MCOLN2: variants seen among roughly 807,000 people sequenced by gnomAD.
The protein encoded by MCOLN2 is mucolipin-2.
MCOLN2 carries 57 observed loss-of-function variants against 67.5 expected under a neutral mutation model. The observed-to-expected ratio is 0.84, with a 90% CI of 0.68 to 1.05. MCOLN2 has a LOEUF of 1.05. Ranked by LOEUF, MCOLN2 falls within the 50% of genes least tolerant of loss-of-function variation. The probability of loss-of-function intolerance (pLI) is 0.00; values close to 1 mark genes in which losing one functional copy is unlikely to be tolerated. For missense variants in MCOLN2, 620 were observed against 678.8 expected, an observed-to-expected ratio of 0.91 and a Z score of 0.96; for synonymous variants, 246 against 233.3, an observed-to-expected ratio of 1.05 and a Z score of -0.50.
At chr1:84,935,426 A>G (rs574275117) in intron 11 of MCOLN2, among the ~76,000 whole-genome samples, 4 of 152,184 alleles carry the variant, frequency 2.6e-5, no homozygotes, top group Non-Finnish European at 5.9e-5. Flanking sequence ...AGTGAAAGAC[A>G]TAAGTCTAGA....
At chr1:84,931,012 C>T (rs79284571) in intron 12 of MCOLN2, among the ~76,000 whole-genome samples, 4,493 of 152,114 alleles carry the variant, frequency 0.03, 242 homozygotes, top group African/African-American at 0.1. Context: ...GTCAGGGTGC[C>T]GGTCACCTCT....
chr1:84,956,150 T>C (rs896434261), intron 4 of MCOLN2, among the ~76,000 whole-genome samples: 2 of 131,748 alleles, frequency 1.5e-5, no homozygotes, highest in East Asian at 2.3e-4. Context: ...CACCCCTTCA[T>C]AGGGAAAAAA....
chr1:84,932,957 C>G (rs1364149352), intron 11 of MCOLN2, among the ~76,000 whole-genome samples: 1 of 152,156 alleles, frequency 6.6e-6, no homozygotes, highest in East Asian at 1.9e-4. Flanking sequence ...AAATCTAAAC[C>G]AAGAAGGTTG....
intron 3 of MCOLN2, 67 bp from the exon 4 acceptor site, chr1:84,956,651 T>C (rs1648810577): frequency 2.3e-6 from 3 of 1,319,636 alleles, no homozygotes; most frequent in Admixed American, 5.2e-5. Context: ...GGTTATAGCA[T>C]ATAGAATGTA....
At chr1:84,939,779 G>T in intron 8 of MCOLN2, 77 bp from the exon 9 acceptor site, 1 of 1,471,438 alleles carries the variant, frequency 6.8e-7, no homozygotes, top group Non-Finnish European at 9.4e-7. Context: ...GCAAAACAGT[G>T]CTCTCACCTG....
intron 1 of MCOLN2, among the ~76,000 whole-genome samples, chr1:84,989,099 A>T (rs1650757965): frequency 6.6e-6 from 1 of 152,096 alleles, no homozygotes; most frequent in Non-Finnish European, 1.5e-5. Context: ...CCTACAATGG[A>T]CTTCATGAAG....
chr1:84,959,852 G>T (rs1394911643), intron 2 of MCOLN2, among the ~76,000 whole-genome samples: 2 of 152,098 alleles, frequency 1.3e-5, no homozygotes, highest in Admixed American at 6.5e-5. Flanking sequence ...GGTTCAATAT[G>T]ATACATCTGA....
In MCOLN2 at chr1:84,965,598, G is replaced by C; in HGVS notation, c.188C>G (p.Pro63Arg). 3.1e-6 allele frequency: 5 copies of C among 1,614,036 alleles called. No homozygotes were observed. The highest frequency in any genetic ancestry group is 4.2e-6 in the Non-Finnish European group (5 of 1,179,960). The change falls in exon 2 of 14, where the codon CCG (proline) becomes CGG (arginine). Residue 63 changes from proline to arginine, a missense_variant. Pro to Arg is a moderately radical substitution (Grantham distance 103, BLOSUM62 -2). Transcript: ENST00000370608. The stretch of plus-strand genomic sequence containing the variant: ...CAAAATCTGCAAACCCAGTTTCCAC[G>C]GAATCTGGCGTCTGGCTCGGTATTT... ...CEKYRARRQI[P>R]WKLGLQILKI...
intron 1 of MCOLN2, among the ~76,000 whole-genome samples, chr1:84,986,286 A>C (rs1004842628): frequency 4.1e-4 from 62 of 152,218 alleles, no homozygotes; most frequent in African/African-American, 1.5e-3. Context: ...CACGCCTATA[A>C]TCCCATCATT....
At chr1:84,944,549 GAAAGA>G (rs1250106884) in intron 7 of MCOLN2, among the ~76,000 whole-genome samples, 1 of 151,536 alleles carries the variant, frequency 6.6e-6, no homozygotes, top group African/African-American at 2.4e-5. Context: ...AAGAAAGAAA[GAAAGA>G]AAAAAAACAT....
At chr1:84,964,026 T>C (rs754170775) in intron 2 of MCOLN2, among the ~76,000 whole-genome samples, 6 of 152,240 alleles carry the variant, frequency 3.9e-5, no homozygotes, top group South Asian at 4.1e-4. Flanking sequence ...TTATTTCTTC[T>C]CCTTCCAAGT....
intron 1 of MCOLN2, among the ~76,000 whole-genome samples, chr1:84,992,478 A>T (rs1650941124): frequency 6.6e-6 from 1 of 152,258 alleles, no homozygotes; most frequent in Admixed American, 6.5e-5. Context: ...GAAGAAAAAA[A>T]AATTCAGATG....
chr1:84,979,963 A>G (rs1334700698), intron 1 of MCOLN2, among the ~76,000 whole-genome samples: 1 of 152,240 alleles, frequency 6.6e-6, no homozygotes, highest in Non-Finnish European at 1.5e-5. Context: ...GAACTGATAA[A>G]CAATTTTAGT....
chr1:84,984,389 A>G (rs906541088), intron 1 of MCOLN2, among the ~76,000 whole-genome samples: 5 of 121,794 alleles, frequency 4.1e-5, no homozygotes, highest in Non-Finnish European at 9.6e-5. Flanking sequence ...ACAGAGAGAC[A>G]TCAATGCTTT....
At chr1:84,972,979 A>T (rs371075293) in intron 1 of MCOLN2, among the ~76,000 whole-genome samples, 65 of 152,226 alleles carry the variant, frequency 4.3e-4, no homozygotes, top group African/African-American at 1.4e-3. Context: ...AGGGGCCTGA[A>T]AGTTGTTTTT....
rs78093755 is a variant in MCOLN2 at position 84,935,155 on chromosome 1, G to A, written c.1335+2600C>T. 1.0e-2 allele frequency among the ~76,000 whole-genome samples: 1,521 copies of A among 152,252 alleles called. 19 individuals carry two copies. The highest frequency in any genetic ancestry group is 0.016 in the Non-Finnish European group (1,115 of 68,004). On this transcript the variant is annotated intron_variant, in intron 11 of 13. Transcript: ENST00000370608. ...CATGCTGACAGCTTGGATTAATTTG[G>A]GGGAAAGGATGCAAGGGGCAATAAA...
intron 6 of MCOLN2, among the ~76,000 whole-genome samples, chr1:84,949,077 C>G (rs1648276370): frequency 6.6e-6 from 1 of 152,184 alleles, no homozygotes. Flanking sequence ...CTGCACTGAG[C>G]TGAGATCACA....
intron 4 of MCOLN2, among the ~76,000 whole-genome samples, chr1:84,956,120 G>GT (rs1005269584): frequency 2.0e-5 from 3 of 151,240 alleles, no homozygotes; most frequent in Admixed American, 6.6e-5. Context: ...CATACAGACC[G>GT]TTTTTTCAGA....
rs891682729 is a variant in MCOLN2 at position 84,925,656 on chromosome 1, C to T, written c.*1029G>A. ...TTCTAGACAAAGGTAAATACCCAAC[C>T]CAGCAGAGTTCAATTGTTAAAATGA... On this transcript the variant is annotated 3_prime_UTR_variant, in exon 14 of 14. Transcript: ENST00000370608. 1 of 152,050 alleles carries T rather than the reference C, an allele frequency of 6.6e-6. No individual in the cohort carries two copies. Among genetic ancestry groups the T allele is most frequent in the Non-Finnish European group, 1.5e-5 (1 of 68,038 alleles). 9.4% of individuals were successfully genotyped at this position (152,050 alleles called of 1,614,324 possible). A position where few individuals can be genotyped will look rare whatever the true frequency, so the allele number is the denominator to read the frequency against.
Sources: gnomAD v4.1 joint callset for allele counts (sites outside exome capture counted in the v4.1 genomes callset) on GRCh38, gnomAD v4.1.1 for gene constraint, MANE v1.5 for transcripts, NCBI Gene and HGNC (gene_info 2026-07-23, HGNC 2026-07-21) for gene names.